Variants in TRPM3 observed in about 807,000 individuals in gnomAD.
The protein encoded by TRPM3 is transient receptor potential cation channel subfamily M member 3.
In TRPM3, 77 loss-of-function variants were observed where a neutral mutation model predicts 181.2. The ratio of observed to expected loss-of-function variants is 0.42; its 90% CI spans 0.35 to 0.51. The LOEUF (loss-of-function observed/expected upper bound fraction) is 0.51. TRPM3 is among the 20% of genes least tolerant of loss of function. The probability of loss-of-function intolerance (pLI) is 0.01; values close to 1 mark genes in which losing one functional copy is unlikely to be tolerated. For missense variants in TRPM3, 1,759 were observed against 2,196.7 expected (o/e 0.80, Z 3.98); for synonymous variants, 745 against 796.4 (o/e 0.94, Z 1.09).
chr9:71,240,582 C>G (rs1279334681), intron 1 of TRPM3, among the ~76,000 whole-genome samples: 1 of 152,050 alleles, frequency 6.6e-6, no homozygotes, highest in Non-Finnish European at 1.5e-5. Flanking sequence ...AGTGTCAATA[C>G]AACTTTAAAT....
At chr9:70,631,101 G>GAAGA (rs1307130654) in intron 12 of TRPM3, among the ~76,000 whole-genome samples, 1 of 152,166 alleles carries the variant, frequency 6.6e-6, no homozygotes, top group African/African-American at 2.4e-5. Flanking sequence ...AAGGAAGTGT[G>GAAGA]AAGAAAAGAC....
At chr9:71,158,767 G>A (rs78726311) in intron 1 of TRPM3, among the ~76,000 whole-genome samples, 41 of 152,214 alleles carry the variant, frequency 2.7e-4, no homozygotes, top group African/African-American at 9.1e-4. Context: ...AAAGAGATTG[G>A]CATTTGAATT....
intron 7 of TRPM3, among the ~76,000 whole-genome samples, chr9:70,763,876 A>C (rs2078614258): frequency 6.6e-6 from 1 of 152,164 alleles, no homozygotes. Context: ...TCTTCTGAGG[A>C]AGTGCTGTTT....
In TRPM3 at chr9:70,881,810, C is replaced by A. The variant is rs546955127; in HGVS notation, c.178-17299G>T. On this transcript the variant is annotated intron_variant, in intron 1 of 25. Coordinates refer to ENST00000677713, the MANE Select transcript of TRPM3 (RefSeq NM_001366145.2). ...TTTTCCCCCATTGCTCTCAAGTGAC[C>A]AAACTCATCAACTTTTCTGTTGTTT... 3.3e-5 allele frequency among the ~76,000 whole-genome samples: 5 copies of A among 152,226 alleles called. No individual in the cohort carries two copies. The South Asian group carries it at 1.0e-3, about 32-fold the overall frequency.
At chr9:71,161,806 T>C (rs2076284706) in intron 1 of TRPM3, among the ~76,000 whole-genome samples, 1 of 152,140 alleles carries the variant, frequency 6.6e-6, no homozygotes, top group South Asian at 2.1e-4. Flanking sequence ...TCTTAATAAT[T>C]TAATATACTG....
chr9:71,391,897 T>A (rs894660146), intron 1 of TRPM3, among the ~76,000 whole-genome samples: 2 of 152,092 alleles, frequency 1.3e-5, no homozygotes, highest in Admixed American at 6.6e-5. Flanking sequence ...TTTAGAGGTA[T>A]TTTAAGGCAA....
chr9:70,969,251 A>C (rs2097214614), intron 1 of TRPM3, among the ~76,000 whole-genome samples: 1 of 151,864 alleles, frequency 6.6e-6, no homozygotes, highest in Admixed American at 6.6e-5. Flanking sequence ...AGGGAGGGGA[A>C]CATCACACAC....
intron 14 of TRPM3, among the ~76,000 whole-genome samples, chr9:70,623,651 A>G (rs1218820861): frequency 2.0e-5 from 3 of 152,152 alleles, no homozygotes; most frequent in African/African-American, 7.2e-5. Context: ...GCATTTGCAG[A>G]AAGCAAATGC....
intron 1 of TRPM3, among the ~76,000 whole-genome samples, chr9:71,364,824 T>C (rs576804722): frequency 6.6e-6 from 1 of 152,368 alleles, no homozygotes; most frequent in Admixed American, 6.5e-5. Flanking sequence ...AACTGAGTCA[T>C]TAAAGATTTA....
intron 1 of TRPM3, among the ~76,000 whole-genome samples, chr9:70,925,541 T>A (rs1255404239): frequency 6.6e-6 from 1 of 152,148 alleles, no homozygotes; most frequent in Non-Finnish European, 1.5e-5. Context: ...GAAAAAAATA[T>A]ATATATATAT....
intron 22 of TRPM3, among the ~76,000 whole-genome samples, chr9:70,590,283 T>A (rs1401905703): frequency 6.6e-6 from 1 of 152,208 alleles, no homozygotes; most frequent in Non-Finnish European, 1.5e-5. Context: ...TACAACTATC[T>A]TCAAACTCCA....
intron 5 of TRPM3, among the ~76,000 whole-genome samples, chr9:70,830,005 A>G (rs1277359915): frequency 6.6e-6 from 1 of 152,200 alleles, no homozygotes; most frequent in Non-Finnish European, 1.5e-5. Flanking sequence ...CTTGTAGACA[A>G]AAGAAAATGC....
intron 1 of TRPM3, among the ~76,000 whole-genome samples, chr9:70,871,483 G>T (rs1008046525): frequency 6.6e-6 from 1 of 151,986 alleles, no homozygotes. Context: ...AATAAGAGGA[G>T]CTTTCCATGA....
chr9:70,583,057 AC>A (rs1490646280), intron 22 of TRPM3, among the ~76,000 whole-genome samples: 11 of 151,984 alleles, frequency 7.2e-5, no homozygotes, highest in East Asian at 1.9e-4. Context: ...CTGGCTTGGT[AC>A]CCCCCACCCC....
At chr9:70,944,993 A>G (rs2096919139) in intron 1 of TRPM3, among the ~76,000 whole-genome samples, 1 of 152,180 alleles carries the variant, frequency 6.6e-6, no homozygotes, top group Middle Eastern at 3.2e-3. Flanking sequence ...CTTCAACAGA[A>G]GCAAGTGCTG....
At chr9:70,589,617 G>C (rs1222418455) in intron 22 of TRPM3, among the ~76,000 whole-genome samples, 2 of 152,148 alleles carry the variant, frequency 1.3e-5, no homozygotes, top group African/African-American at 4.8e-5. Context: ...CCAGTCCCTG[G>C]CAAGCTGTCT....
At chr9:71,162,660 CTTAATT>C (rs543180107) in intron 1 of TRPM3, among the ~76,000 whole-genome samples, 33 of 152,152 alleles carry the variant, frequency 2.2e-4, no homozygotes, top group Non-Finnish European at 5.9e-5. Context: ...CTGCTAGTAT[CTTAATT>C]TTATTTATGA....
In TRPM3 at chr9:70,742,785, A is replaced by C. The variant is rs2074397599; in HGVS notation, c.1272+18816T>G. On this transcript the variant is annotated intron_variant, in intron 8 of 25. Transcript: ENST00000677713. ...CCATGAGAGGTTATTTTGATGATGA[A>C]ATCTGAGAGATAATAGACTTGATGA... Among the ~76,000 whole-genome samples, 5 of 152,126 alleles carry C rather than the reference A, an allele frequency of 3.3e-5. No homozygotes were observed. In the South Asian group the frequency reaches 1.0e-3, roughly 32 times the overall value.
chr9:71,026,275 C>T (rs1303211886), intron 1 of TRPM3, among the ~76,000 whole-genome samples: 4 of 152,270 alleles, frequency 2.6e-5, no homozygotes, highest in South Asian at 2.1e-4. Context: ...GACCTGAGCG[C>T]CCCTCCATCT....
Sources: gnomAD v4.1 joint callset for allele counts (sites outside exome capture counted in the v4.1 genomes callset) on GRCh38, gnomAD v4.1.1 for gene constraint, MANE v1.5 for transcripts, NCBI Gene and HGNC (gene_info 2026-07-23, HGNC 2026-07-21) for gene names.